The following EXOC5 variants were observed in gnomAD, a reference collection of about 807,000 sequenced individuals.
The protein encoded by EXOC5 is SEC10-like 1.
Under a neutral mutation model 90.8 loss-of-function variants are expected in EXOC5, and 17 were observed. That is an observed-to-expected ratio of 0.19 (90% CI 0.13 to 0.28). The LOEUF is 0.28. EXOC5 is among the 10% of genes least tolerant of loss of function. The pLI, the probability that EXOC5 is intolerant of heterozygous loss-of-function variation, is 1.00. For synonymous variants in EXOC5, 260 were observed against 270.0 expected (o/e 0.96, Z 0.36); for missense variants, 569 against 830.6 (o/e 0.69, Z 3.87).
At chr14:57,232,522 A>G in intron 10 of EXOC5, 145 bp downstream of exon 10, 1 of 465,696 alleles carries the variant, frequency 2.1e-6, no homozygotes, top group Non-Finnish European at 3.8e-6. Context: ...CTTGTACAAT[A>G]TAACTAGTCT....
intron 1 of EXOC5, among the ~76,000 whole-genome samples, chr14:57,248,179 G>A (rs992618231): frequency 6.6e-6 from 1 of 151,278 alleles, no homozygotes; most frequent in East Asian, 1.9e-4. Context: ...AATGTCAACA[G>A]GTACAATCTT....
intron 1 of EXOC5, among the ~76,000 whole-genome samples, chr14:57,248,800 C>G (rs559385161): frequency 6.6e-6 from 1 of 152,096 alleles, no homozygotes; most frequent in East Asian, 1.9e-4. Context: ...AGAATTAAGT[C>G]CCAAGGATGA....
Position 57,242,366 on chromosome 14 carries a change from T to A in EXOC5, c.465+1799A>T, listed in dbSNP as rs908234026. ...CTCAAGCAATCCTCCTGCCTCAGCCTCCTGAGTGCTAGGATCTATGGACAT... is the reference window on the plus strand; with the variant it reads ...CTCAAGCAATCCTCCTGCCTCAGCCACCTGAGTGCTAGGATCTATGGACAT... On this transcript the variant is annotated intron_variant, in intron 4 of 17. Transcript: ENST00000621441. Among the ~76,000 whole-genome samples, 4 of 151,488 alleles carry A rather than the reference T, an allele frequency of 2.6e-5. 1 individual carries two copies. The South Asian group carries it at 8.3e-4, about 32-fold the overall frequency.
Position 57,222,746 on chromosome 14 carries a change from TATAC to T in EXOC5, c.1297-334_1297-331del, listed in dbSNP as rs1423720162. On this transcript the variant is annotated intron_variant, in intron 12 of 17. Transcript: ENST00000621441. ...TATATTATATACACACACATATATA[TATAC>T]ACACACACACACATATATATATATA... is the stretch of plus-strand genomic sequence containing the variant. Among the ~76,000 whole-genome samples the T allele has an allele frequency of 3.6e-3, 522 of 146,028 alleles. 4 individuals are homozygous for T. Among genetic ancestry groups the T allele is most frequent in the African/African-American group, 0.013 (493 of 36,672 alleles).
chr14:57,249,559 TATTA>T (rs1314086293), intron 1 of EXOC5, among the ~76,000 whole-genome samples: 10 of 152,014 alleles, frequency 6.6e-5, no homozygotes, highest in South Asian at 2.1e-4. Flanking sequence ...ATTCAGCAAA[TATTA>T]ATTGAGGACC....
Position 57,206,075 on chromosome 14 carries a change from CAA to C in EXOC5, c.*2532_*2533del, listed in dbSNP as rs1882643306. ...CAGATATTTCTCAATTTTAGAAAAACAATGCACAGTGTGTTAAGAGCATATTT... is the reference window on the plus strand; with the variant it reads ...CAGATATTTCTCAATTTTAGAAAAACTGCACAGTGTGTTAAGAGCATATTT... On this transcript the variant is annotated 3_prime_UTR_variant, in exon 18 of 18. Transcript: ENST00000621441. The C allele has an allele frequency of 2.3e-6, 1 of 442,950 alleles. No individual in the cohort carries two copies. The allele number at this position is 442,950 out of a possible 1,614,324, so 27.4% of individuals were successfully genotyped here.
rs1190467431 is a variant in EXOC5, at chr14:57,202,361, T to TA, written c.*6247dup. On this transcript the variant is annotated 3_prime_UTR_variant, in exon 18 of 18. Transcript: ENST00000621441. ...TGATTGGTGTCTGAGGATTAGATAG[T>TA]AGTAATATGTCAATGTTAACTTCCC... 2 of 152,298 alleles carry TA rather than the reference T, an allele frequency of 1.3e-5. No individual in the cohort carries two copies. Among genetic ancestry groups the TA allele is most frequent in the East Asian group, 3.9e-4 (2 of 5,186 alleles). The allele number at this position is 152,298 out of a possible 1,614,324, so 9.4% of individuals were successfully genotyped here.
intron 4 of EXOC5, among the ~76,000 whole-genome samples, chr14:57,240,200 TTTTC>T (rs1246296677): frequency 7.6e-5 from 11 of 145,252 alleles, no homozygotes; most frequent in Non-Finnish European, 1.2e-4. Flanking sequence ...TGTATATTTC[TTTTC>T]TTTCTGTCTT....
At chr14:57,241,017 A>G (rs943647270) in intron 4 of EXOC5, among the ~76,000 whole-genome samples, 3 of 151,744 alleles carry the variant, frequency 2.0e-5, no homozygotes, top group African/African-American at 7.3e-5. Context: ...CACACCCGCT[A>G]ATTTTGGTAT....
intron 5 of EXOC5, among the ~76,000 whole-genome samples, chr14:57,238,836 A>C (rs1387570489): frequency 6.6e-6 from 1 of 152,072 alleles, no homozygotes; most frequent in Non-Finnish European, 1.5e-5. Context: ...AAAATAACAT[A>C]TTATATGTCT....
intron 13 of EXOC5, among the ~76,000 whole-genome samples, chr14:57,221,965 T>C (rs1883152812): frequency 6.6e-6 from 1 of 152,140 alleles, no homozygotes; most frequent in Admixed American, 6.6e-5. Flanking sequence ...TTAATACTTC[T>C]CTTTCTAAAT....
chr14:57,228,793 C>T (rs747586294), intron 12 of EXOC5, among the ~76,000 whole-genome samples: 4 of 146,108 alleles, frequency 2.7e-5, no homozygotes, highest in Non-Finnish European at 4.5e-5. Context: ...CACCATGGCA[C>T]GTGTATACCT....
At chr14:57,252,024 T>C (rs1884210995) in intron 1 of EXOC5, among the ~76,000 whole-genome samples, 1 of 152,102 alleles carries the variant, frequency 6.6e-6, no homozygotes, top group African/African-American at 2.4e-5. Context: ...ACAGATAATA[T>C]GAATACACCT....
rs1882557684 is a variant in EXOC5 at position 57,203,391 on chromosome 14, A to C, written c.*5218T>G. The C allele has an allele frequency of 6.6e-6, 1 of 152,336 alleles. No individual in the cohort carries two copies. Among genetic ancestry groups the C allele is most frequent in the South Asian group, 2.1e-4 (1 of 4,834 alleles). 9.4% of individuals were successfully genotyped at this position (152,336 alleles called of 1,614,324 possible). A position where few individuals can be genotyped will look rare whatever the true frequency, so the allele number is the denominator to read the frequency against. Reference sequence around the variant, plus strand: ...GAAGGCTTCTCACCTCTCAAAGTTTAATCTCAAAACTCTGGAAGTCCACCA... The same window carrying C: ...GAAGGCTTCTCACCTCTCAAAGTTTCATCTCAAAACTCTGGAAGTCCACCA... On this transcript the variant is annotated 3_prime_UTR_variant, in exon 18 of 18. Transcript: ENST00000621441.
At chr14:57,216,836 G>A (rs543232382) in intron 15 of EXOC5, among the ~76,000 whole-genome samples, 27 of 152,152 alleles carry the variant, frequency 1.8e-4, no homozygotes, top group African/African-American at 6.0e-4. Flanking sequence ...ACCATCAACA[G>A]CCTATGAAAT....
At chr14:57,246,001 G>A (rs1884021960) in intron 3 of EXOC5, among the ~76,000 whole-genome samples, 1 of 151,770 alleles carries the variant, frequency 6.6e-6, no homozygotes, top group South Asian at 2.1e-4. Flanking sequence ...AGTGAGCCAA[G>A]AACACACCAC....
At chr14:57,229,151 C>A (rs891884063) in intron 12 of EXOC5, among the ~76,000 whole-genome samples, 7 of 152,064 alleles carry the variant, frequency 4.6e-5, no homozygotes, top group Admixed American at 1.3e-4. Context: ...TTCATTTAAT[C>A]CTACATAACA....
At chr14:57,215,998 C>T (rs1882960151) in intron 15 of EXOC5, among the ~76,000 whole-genome samples, 1 of 151,582 alleles carries the variant, frequency 6.6e-6, no homozygotes, top group Non-Finnish European at 1.5e-5. Flanking sequence ...AATCATCATA[C>T]AAAAATCAGT....
chr14:57,261,255 A>G (rs1454543384), intron 1 of EXOC5, among the ~76,000 whole-genome samples: 1 of 152,048 alleles, frequency 6.6e-6, no homozygotes, highest in Non-Finnish European at 1.5e-5. Flanking sequence ...GCAATCAATC[A>G]CTCTTTCAAA....
Sources: gnomAD v4.1 joint callset for allele counts (sites outside exome capture counted in the v4.1 genomes callset) on GRCh38, gnomAD v4.1.1 for gene constraint, MANE v1.5 for transcripts, NCBI Gene and HGNC (gene_info 2026-07-23, HGNC 2026-07-21) for gene names.